TBC1D1: variants seen among roughly 807,000 people sequenced by gnomAD.
TBC1D1 encodes the protein TBC1 domain family member 1.
TBC1D1 carries 89 observed loss-of-function variants against 125.6 expected under a neutral mutation model. The observed-to-expected ratio is 0.71, with a 90% confidence interval of 0.60 to 0.85. The LOEUF is 0.85. Ranked by LOEUF, TBC1D1 falls within the 40% of genes least tolerant of loss-of-function variation. The pLI, the probability that TBC1D1 is intolerant of heterozygous loss-of-function variation, is 0.00. For synonymous variants in TBC1D1, 565 were observed against 564.1 expected (o/e 1.00, Z -0.02); for missense variants, 1,377 against 1,469.2 (o/e 0.94, Z 1.03).
chr4:37,935,990 C>T (rs1233233592), intron 2 of TBC1D1, among the ~76,000 whole-genome samples: 2 of 152,116 alleles, frequency 1.3e-5, no homozygotes, highest in African/African-American at 2.4e-5. Context: ...CATCACTTCC[C>T]CCAGGAGGCC....
chr4:38,102,974 T>A (rs1760641826), intron 14 of TBC1D1, 25 bp from the exon 17 acceptor site: 1 of 1,603,676 alleles, frequency 6.2e-7, no homozygotes, highest in South Asian at 1.1e-5. Context: ...ATAAATTATT[T>A]CCATGTCTTC....
intron 2 of TBC1D1, among the ~76,000 whole-genome samples, chr4:37,939,249 T>C (rs1725032404): frequency 6.6e-6 from 1 of 152,226 alleles, no homozygotes; most frequent in Non-Finnish European, 1.5e-5. Flanking sequence ...CTCATTGTGG[T>C]TTTGATTTGC....
chr4:38,009,718 G>A (rs1258059800), intron 2 of TBC1D1, among the ~76,000 whole-genome samples: 1 of 152,168 alleles, frequency 6.6e-6, no homozygotes, highest in African/African-American at 2.4e-5. Context: ...TGTGAACAAA[G>A]AAACTTGTTT....
intron 12 of TBC1D1, among the ~76,000 whole-genome samples, chr4:38,059,397 A>G (rs564015590): frequency 4.6e-5 from 7 of 152,372 alleles, no homozygotes; most frequent in African/African-American, 1.7e-4. Context: ...TAAATAGGAA[A>G]TCAGCGATTT....
chr4:37,907,389 T>G (rs1577786619), intron 2 of TBC1D1, among the ~76,000 whole-genome samples: 1 of 152,240 alleles, frequency 6.6e-6, no homozygotes, highest in East Asian at 1.9e-4. Context: ...TCTAGCAGTT[T>G]TTTTTTCTTT....
intron 1 of TBC1D1, among the ~76,000 whole-genome samples, chr4:37,901,074 A>G (rs1038957332): frequency 1.3e-5 from 2 of 149,776 alleles, no homozygotes; most frequent in African/African-American, 2.4e-5. Flanking sequence ...TCTGTCTCAA[A>G]AAAAAAAAAA....
chr4:38,007,075 T>C (rs1211693374), intron 2 of TBC1D1: 1 of 333,430 alleles, frequency 3.0e-6, no homozygotes, highest in Non-Finnish European at 6.1e-6. Flanking sequence ...AGACGAGACA[T>C]GCGCAGGGCA....
At chr4:38,108,954 G>A (rs1006125363) in intron 15 of TBC1D1, among the ~76,000 whole-genome samples, 15 of 152,166 alleles carry the variant, frequency 9.9e-5, no homozygotes, top group Non-Finnish European at 1.8e-4. Flanking sequence ...TCTCCCAGGC[G>A]GTGGGCTGCC....
At chr4:38,008,587 G>A (rs1740828624) in intron 2 of TBC1D1, among the ~76,000 whole-genome samples, 1 of 152,170 alleles carries the variant, frequency 6.6e-6, no homozygotes, top group Admixed American at 6.5e-5. Context: ...GATGAAAAAG[G>A]GGCCCCTGTG....
At chr4:37,944,266 A>G (rs529185515) in intron 2 of TBC1D1, among the ~76,000 whole-genome samples, 3 of 152,266 alleles carry the variant, frequency 2.0e-5, no homozygotes, top group East Asian at 1.9e-4. Context: ...CCTCCCAGTT[A>G]GGCTACTTGG....
At chr4:38,030,408 T>C (rs1199597623) in intron 7 of TBC1D1, 1 of 152,254 alleles carries the variant, frequency 6.6e-6, no homozygotes, top group Non-Finnish European at 1.5e-5. Flanking sequence ...AAAGGGAGGT[T>C]GTATTCACCA....
Position 38,014,455 on chromosome 4 carries a change from G to C in TBC1D1, c.418-54G>C. On this transcript the variant is annotated intron_variant, in intron 2 of 19. Transcript: ENST00000261439. This position sits in a 1 kb window ranked among gnomAD's most constrained non-coding sequence, Gnocchi z 5.1. ...CGAAAGAGCATGGTGCATTCATTCC[G>C]TGAGTGCCAGCCACACTGCATGTTC... 1.3e-6 allele frequency: 2 copies of C among 1,553,836 alleles called. No individual in the cohort carries two copies. Among genetic ancestry groups the C allele is most frequent in the South Asian group, 1.1e-5 (1 of 86,984 alleles).
intron 15 of TBC1D1, among the ~76,000 whole-genome samples, chr4:38,113,640 T>G (rs949049981): frequency 1.1e-4 from 16 of 152,188 alleles, no homozygotes; most frequent in African/African-American, 3.9e-4. Context: ...AGTGGGGAAG[T>G]GCTCCATCTT....
At chr4:37,931,923 G>C (rs776863599) in intron 2 of TBC1D1, among the ~76,000 whole-genome samples, 8 of 152,156 alleles carry the variant, frequency 5.3e-5, no homozygotes, top group Non-Finnish European at 1.2e-4. Context: ...GCAGAATAGA[G>C]AAATAAATTT....
At chr4:37,987,573 A>G (rs939571822) in intron 2 of TBC1D1, among the ~76,000 whole-genome samples, 1 of 152,250 alleles carries the variant, frequency 6.6e-6, no homozygotes, top group African/African-American at 2.4e-5. Flanking sequence ...GCTTTTAAAA[A>G]TAGATATACC....
At chr4:38,082,033 C>T (rs1291227673) in intron 12 of TBC1D1, among the ~76,000 whole-genome samples, 1 of 152,166 alleles carries the variant, frequency 6.6e-6, no homozygotes, top group African/African-American at 2.4e-5. Flanking sequence ...ACTTGTAAAG[C>T]ACACTGCCCA....
chr4:38,053,360 AT>A, intron 11 of TBC1D1, 135 bp downstream of exon 13: 4 of 812,834 alleles, frequency 4.9e-6, no homozygotes, highest in Non-Finnish European at 6.7e-6. Flanking sequence ...CTTCTTTCTT[AT>A]ACTTTTTTCT....
chr4:38,132,914 T>C, intron 18 of TBC1D1, 170 bp from the exon 21 acceptor site: 1 of 424,636 alleles, frequency 2.4e-6, no homozygotes, highest in Non-Finnish European at 4.2e-6. Flanking sequence ...AGTAAAATTA[T>C]TACCTTCTCA....
In TBC1D1 at chr4:38,094,328, A is replaced by G. The variant is rs114530710; in HGVS notation, c.2237-1601A>G. 4.3e-3 allele frequency among the ~76,000 whole-genome samples: 654 copies of G among 152,326 alleles called. 4 individuals carry two copies. The highest frequency in any genetic ancestry group is 0.015 in the African/African-American group (623 of 41,564). On this transcript the variant is annotated intron_variant, in intron 13 of 19. Coordinates refer to ENST00000261439, the MANE Select transcript of TBC1D1 (RefSeq NM_015173.4). ...CCAAGTTGGCTCAGACATTTGTGTTAAATCATAATAAATATTTTAGAGAAC... is the reference window on the plus strand; with the variant it reads ...CCAAGTTGGCTCAGACATTTGTGTTGAATCATAATAAATATTTTAGAGAAC...
Sources: gnomAD v4.1 joint callset for allele counts (sites outside exome capture counted in the v4.1 genomes callset) on GRCh38, gnomAD v4.1.1 for gene constraint, Gnocchi (gnomAD v3.1) non-coding constraint, MANE v1.5 for transcripts, NCBI Gene and HGNC (gene_info 2026-07-23, HGNC 2026-07-21) for gene names.